The following FRMD3 variants were observed in gnomAD, a reference collection of about 807,000 sequenced individuals.
FRMD3 encodes FERM domain-containing protein 3.
A neutral mutation model predicts 70.2 loss-of-function variants in FRMD3; 33 were observed. That is an observed-to-expected ratio of 0.47 (90% CI 0.36 to 0.63). The LOEUF is 0.63. Among genes scored for constraint, FRMD3 ranks in the 20% least tolerant of loss-of-function variants. FRMD3 has a pLI of 0.00. For missense variants in FRMD3, 632 were observed against 711.4 expected (o/e 0.89, Z 1.27); for synonymous variants, 279 against 255.9 (o/e 1.09, Z -0.86).
intron 1 of FRMD3, among the ~76,000 whole-genome samples, chr9:83,391,091 C>T (rs967085986): frequency 1.3e-4 from 20 of 152,106 alleles, no homozygotes; most frequent in African/African-American, 3.9e-4. Context: ...GAGTGAAGGA[C>T]GGGGGTTTAT....
intron 3 of FRMD3, among the ~76,000 whole-genome samples, chr9:83,371,860 AG>A (rs1208476595): frequency 1.3e-5 from 2 of 152,194 alleles, no homozygotes; most frequent in Non-Finnish European, 2.9e-5. Context: ...ATGGGAAGGG[AG>A]GAAGAGAGGG....
chr9:83,475,437 G>T (rs1211947319), intron 1 of FRMD3, among the ~76,000 whole-genome samples: 1 of 151,994 alleles, frequency 6.6e-6, no homozygotes, highest in Non-Finnish European at 1.5e-5. Flanking sequence ...AATAGAAAAT[G>T]CCCAGGGTAA....
rs373963166 is a variant in FRMD3 at position 83,432,143 on chromosome 9, G to A, written c.148-42435C>T. Among the ~76,000 whole-genome samples, 30 of 152,228 alleles carry A rather than the reference G, an allele frequency of 2.0e-4. No homozygotes were observed. In the South Asian group the frequency reaches 3.1e-3, roughly 16 times the overall value. On this transcript the variant is annotated intron_variant, in intron 1 of 13. Coordinates refer to ENST00000304195, the MANE Select transcript of FRMD3 (RefSeq NM_174938.6). ...CCTGGAAGCAATGGACTTAAAACAC[G>A]GCATTGCAAGAGTCTTCCCCACATC...
At chr9:83,331,806 G>C (rs751636864) in intron 6 of FRMD3, 5 of 716,428 alleles carry the variant, frequency 7.0e-6, no homozygotes, top group African/African-American at 1.7e-5. Flanking sequence ...AATGAGTTGT[G>C]AGGGCCATTA....
chr9:83,409,773 C>T (rs1230030477), intron 1 of FRMD3, among the ~76,000 whole-genome samples: 3 of 152,242 alleles, frequency 2.0e-5, no homozygotes, highest in Non-Finnish European at 4.4e-5. Context: ...GGACCCAGGA[C>T]ATGAACTCTC....
chr9:83,532,284 C>T (rs757504778), intron 1 of FRMD3, among the ~76,000 whole-genome samples: 2 of 152,162 alleles, frequency 1.3e-5, no homozygotes, highest in Admixed American at 1.3e-4. Context: ...TGCTCTCAAC[C>T]ACTTCATGCC....
At chr9:83,351,373 C>T (rs970463587) in intron 3 of FRMD3, among the ~76,000 whole-genome samples, 9 of 131,054 alleles carry the variant, frequency 6.9e-5, no homozygotes, top group South Asian at 2.4e-4. Flanking sequence ...TTTCATTCAA[C>T]GCCCTACTTC....
intron 13 of FRMD3, among the ~76,000 whole-genome samples, chr9:83,284,997 TGGAG>T (rs1834130558): frequency 6.6e-6 from 1 of 151,878 alleles, no homozygotes; most frequent in South Asian, 2.1e-4. Context: ...TGTGTTCGGG[TGGAG>T]GGTGGGTGGG....
intron 1 of FRMD3, among the ~76,000 whole-genome samples, chr9:83,501,869 A>G (rs750287022): frequency 6.6e-6 from 1 of 152,192 alleles, no homozygotes; most frequent in Non-Finnish European, 1.5e-5. Flanking sequence ...GGGAAAAGGA[A>G]AGCCAACTCT....
chr9:83,538,242 C>T lies in FRMD3; in HGVS notation c.-11G>A, dbSNP rs756877175. 8.4e-6 allele frequency: 13 copies of T among 1,553,156 alleles called. No homozygotes were observed. In the South Asian group the frequency reaches 1.2e-4, roughly 14 times the overall value. On this transcript the variant is annotated 5_prime_UTR_variant, in exon 1 of 14. Transcript: ENST00000304195. The surrounding 1 kb of genome is among the most constrained non-coding windows in gnomAD (Gnocchi z 4.7). ...GCAGGAGGCGAACATGCACCGCGGC[C>T]GTGGGGAGCGAGCGGGAGGCTCAGG...
At chr9:83,427,992 C>T (rs1286869080) in intron 1 of FRMD3, among the ~76,000 whole-genome samples, 1 of 152,206 alleles carries the variant, frequency 6.6e-6, no homozygotes, top group Non-Finnish European at 1.5e-5. Flanking sequence ...CTTGTCATTA[C>T]CTAGCAGAGG....
intron 3 of FRMD3, among the ~76,000 whole-genome samples, chr9:83,351,270 C>T (rs1271303302): frequency 6.9e-6 from 1 of 145,712 alleles, no homozygotes; most frequent in Non-Finnish European, 1.5e-5. Context: ...ATCTAAATTA[C>T]AAAAAAAAAG....
At chr9:83,367,216 A>G (rs139534686) in intron 3 of FRMD3, among the ~76,000 whole-genome samples, 2 of 152,338 alleles carry the variant, frequency 1.3e-5, no homozygotes, top group East Asian at 3.9e-4. Context: ...TCAACATCTC[A>G]GTCCACATTT....
At chr9:83,571,082 T>C in the FRMD3 span, among the ~76,000 whole-genome samples, 1 of 152,194 alleles carries the variant, frequency 6.6e-6, no homozygotes, top group Non-Finnish European at 1.5e-5. Flanking sequence ...TGGGGGGGAT[T>C]CCTTCATGGA....
Position 83,267,235 on chromosome 9 carries a change from C to T in FRMD3, c.1196-18719G>A, listed in dbSNP as rs2118766217. The T allele has an allele frequency of 4.6e-6, 7 of 1,521,072 alleles. No individual in the cohort carries two copies. The Middle Eastern group carries it at 8.5e-4, about 185-fold the overall frequency. The allele number at this position is 1,521,072 out of a possible 1,614,324, so 94.2% of individuals were successfully genotyped here. A position where few individuals can be genotyped will look rare whatever the true frequency, so the allele number is the denominator to read the frequency against. On this transcript the variant is annotated intron_variant, in intron 13 of 13. Coordinates refer to ENST00000304195, the MANE Select transcript of FRMD3 (RefSeq NM_174938.6). ...CTGTTTTAAAGGACCTAGGCAGGAC[C>T]CACTGAATGAATCAAATGTCAGGTT...
chr9:83,541,282 G>A (rs1829996645), upstream of FRMD3, among the ~76,000 whole-genome samples: 2 of 152,234 alleles, frequency 1.3e-5, no homozygotes, highest in Admixed American at 1.3e-4. Flanking sequence ...GAGTATATGT[G>A]TGAATAAACC....
intron 3 of FRMD3, among the ~76,000 whole-genome samples, chr9:83,370,902 C>A (rs1054953094): frequency 2.2e-4 from 34 of 151,794 alleles, no homozygotes; most frequent in African/African-American, 8.2e-4. Flanking sequence ...AGAATGAGAC[C>A]CTGTCTTAAA....
intron 13 of FRMD3, among the ~76,000 whole-genome samples, chr9:83,257,461 C>T (rs1197074028): frequency 2.0e-5 from 3 of 152,090 alleles, no homozygotes; most frequent in East Asian, 1.9e-4. Flanking sequence ...CCATGGCACA[C>T]GTTTACCTAT....
At chr9:83,373,935 A>G (rs1825062897) in intron 2 of FRMD3, among the ~76,000 whole-genome samples, 2 of 152,174 alleles carry the variant, frequency 1.3e-5, no homozygotes, top group African/African-American at 4.8e-5. Context: ...GTCCTGTGTT[A>G]TCCATATTCT....
Sources: gnomAD v4.1 joint callset for allele counts (sites outside exome capture counted in the v4.1 genomes callset) on GRCh38, gnomAD v4.1.1 for gene constraint, Gnocchi (gnomAD v3.1) non-coding constraint, MANE v1.5 for transcripts, NCBI Gene and HGNC (gene_info 2026-07-23, HGNC 2026-07-21) for gene names.